The following R3HDM1 variants were observed in gnomAD, a reference collection of about 807,000 sequenced individuals.
R3HDM1 encodes R3H domain containing 1.
R3HDM1 carries 46 observed loss-of-function variants against 141.1 expected under a neutral mutation model. That is an observed-to-expected ratio of 0.33 (90% CI 0.26 to 0.42). The LOEUF (loss-of-function observed/expected upper bound fraction) is 0.42, where lower values mean the gene tolerates loss of function less well. R3HDM1 is among the 10% of genes least tolerant of loss of function. The probability of loss-of-function intolerance (pLI) is 1.00; values close to 1 mark genes in which losing one functional copy is unlikely to be tolerated. For synonymous variants in R3HDM1, 435 were observed against 472.9 expected (o/e 0.92, Z 1.04); for missense variants, 1,184 against 1,368.3 (o/e 0.87, Z 2.12).
rs570470565 is a variant in R3HDM1, at chr2:135,561,567, A to T, written c.-250+29934A>T. On this transcript the variant is annotated intron_variant, in intron 1 of 26. Coordinates refer to ENST00000683871, the MANE Select transcript of R3HDM1 (RefSeq NM_001378107.1). ...ACCCGTCTCCACTAAAAATATAAAA[A>T]ATTAGCTGGTTGTGGTTGCATGTGC... Among the ~76,000 whole-genome samples the T allele has an allele frequency of 3.9e-5, 6 of 152,182 alleles. No individual in the cohort carries two copies. The East Asian group carries it at 1.2e-3, about 29-fold the overall frequency.
chr2:135,619,658 A>C, intron 5 of R3HDM1: 1 of 788,352 alleles, frequency 1.3e-6, no homozygotes, highest in Non-Finnish European at 1.5e-6. Flanking sequence ...CTGAGTGGAA[A>C]TTGGAAAATA....
chr2:135,618,502 G>T (rs2061267932), intron 5 of R3HDM1, among the ~76,000 whole-genome samples: 1 of 144,736 alleles, frequency 6.9e-6, no homozygotes, highest in Non-Finnish European at 1.5e-5. Context: ...CTACATAGGA[G>T]ATAGCTGTAT....
In R3HDM1 at chr2:135,669,011, G is replaced by A. The variant is rs117443690; in HGVS notation, c.2153-6321G>A. On this transcript the variant is annotated intron_variant, in intron 19 of 26. Transcript: ENST00000683871. ...AACCTGAAATAGTGTCACTATTTGA[G>A]CCAGTTCTTCTCCTTCCCAATTGTC... 311 of 499,970 alleles carry A rather than the reference G, an allele frequency of 6.2e-4. 1 individual carries two copies. The East Asian group carries it at 0.027, about 44-fold the overall frequency. 31.0% of individuals were successfully genotyped at this position (499,970 alleles called of 1,614,324 possible). A position where few individuals can be genotyped will look rare whatever the true frequency, so the allele number is the denominator to read the frequency against.
In R3HDM1 at chr2:135,708,958, C is replaced by CA. The variant is rs374959932; in HGVS notation, c.2460-455dup. ...TGGGTGACAGGGCAGAACTCTGTCT[C>CA]AAAAAAAAAAAAAAAAAAAACTAAC... On this transcript the variant is annotated intron_variant, in intron 21 of 26. Coordinates refer to ENST00000683871, the MANE Select transcript of R3HDM1 (RefSeq NM_001378107.1). Among the ~76,000 whole-genome samples the CA allele has an allele frequency of 9.6e-3, 986 of 102,880 alleles. 35 individuals carry two copies. Among genetic ancestry groups the CA allele is most frequent in the Middle Eastern group, 0.088 (18 of 204 alleles). 67.5% of individuals were successfully genotyped at this position (102,880 alleles called of 152,430 possible). A position where few individuals can be genotyped will look rare whatever the true frequency, so the allele number is the denominator to read the frequency against.
chr2:135,556,453 T>C (rs1399558150), intron 1 of R3HDM1, among the ~76,000 whole-genome samples: 1 of 151,942 alleles, frequency 6.6e-6, no homozygotes, highest in Admixed American at 6.6e-5. Flanking sequence ...AAAAATCAAC[T>C]AGACCTGGTA....
chr2:135,555,630 T>TA (rs1241127877), intron 1 of R3HDM1, among the ~76,000 whole-genome samples: 1 of 152,218 alleles, frequency 6.6e-6, no homozygotes, highest in Non-Finnish European at 1.5e-5. Flanking sequence ...ATAGCAGCAC[T>TA]ATTTATCGTA....
At chr2:135,629,902 G>A (rs2062462302) in intron 7 of R3HDM1, among the ~76,000 whole-genome samples, 1 of 152,112 alleles carries the variant, frequency 6.6e-6, no homozygotes, top group Non-Finnish European at 1.5e-5. Flanking sequence ...GAAGATCAGG[G>A]AAGATACAGG....
At chr2:135,702,422 A>G (rs1268880491) in intron 21 of R3HDM1, among the ~76,000 whole-genome samples, 2 of 152,014 alleles carry the variant, frequency 1.3e-5, no homozygotes, top group African/African-American at 4.8e-5. Context: ...GCACTTTGGA[A>G]GGCCAAGGCT....
At chr2:135,620,987 C>T (rs973788355) in intron 5 of R3HDM1, among the ~76,000 whole-genome samples, 1 of 151,768 alleles carries the variant, frequency 6.6e-6, no homozygotes, top group Non-Finnish European at 1.5e-5. Flanking sequence ...AGCTGTGTGC[C>T]GTTGATTTTG....
intron 18 of R3HDM1, among the ~76,000 whole-genome samples, chr2:135,655,117 A>G (rs902588235): frequency 1.1e-4 from 16 of 152,130 alleles, no homozygotes; most frequent in African/African-American, 3.1e-4. Context: ...GTCATATCTA[A>G]GAATTGGTTG....
intron 1 of R3HDM1, among the ~76,000 whole-genome samples, chr2:135,595,220 GAT>G (rs1023081077): frequency 6.6e-6 from 1 of 152,116 alleles, no homozygotes; most frequent in African/African-American, 2.4e-5. Context: ...TTTCCTCCCA[GAT>G]ATATTTCCTA....
intron 3 of R3HDM1, among the ~76,000 whole-genome samples, chr2:135,610,059 A>T (rs1048845945): frequency 1.6e-4 from 24 of 152,226 alleles, no homozygotes; most frequent in East Asian, 1.2e-3. Flanking sequence ...AAAAAAATTT[A>T]AAAAACTTAG....
At chr2:135,706,010 T>G (rs2074858461) in intron 21 of R3HDM1, among the ~76,000 whole-genome samples, 1 of 151,378 alleles carries the variant, frequency 6.6e-6, no homozygotes, top group Non-Finnish European at 1.5e-5. Context: ...GCACCTGTAG[T>G]CCCAGCTACT....
intron 1 of R3HDM1, among the ~76,000 whole-genome samples, chr2:135,554,377 C>T (rs1700344549): frequency 6.6e-6 from 1 of 152,094 alleles, no homozygotes. Flanking sequence ...GAATAATATG[C>T]GTTTGAATGG....
At chr2:135,598,999 G>C (rs569372609) in intron 1 of R3HDM1, among the ~76,000 whole-genome samples, 2 of 151,882 alleles carry the variant, frequency 1.3e-5, no homozygotes, top group East Asian at 3.9e-4. Context: ...ACCTTTAATG[G>C]CTTCTAGATT....
chr2:135,711,963 T>TAAAAAA (rs35616482), intron 23 of R3HDM1, among the ~76,000 whole-genome samples: 32 of 85,066 alleles, frequency 3.8e-4, no homozygotes, highest in African/African-American at 1.1e-3. Flanking sequence ...TGTCTAAAAT[T>TAAAAAA]AAAAAAAAAA....
At chr2:135,593,797 T>C (rs181049078) in intron 1 of R3HDM1, among the ~76,000 whole-genome samples, 15 of 152,334 alleles carry the variant, frequency 9.8e-5, no homozygotes, top group African/African-American at 3.6e-4. Flanking sequence ...CTCGGCTCAC[T>C]GCAGTCTCCA....
intron 11 of R3HDM1, among the ~76,000 whole-genome samples, chr2:135,636,539 C>G (rs2063269780): frequency 6.6e-6 from 1 of 152,078 alleles, no homozygotes; most frequent in African/African-American, 2.4e-5. Context: ...ATCATATACT[C>G]TAGATGCTAC....
chr2:135,704,027 C>A (rs989879576), intron 21 of R3HDM1, among the ~76,000 whole-genome samples: 1 of 152,186 alleles, frequency 6.6e-6, no homozygotes, highest in African/African-American at 2.4e-5. Flanking sequence ...GTTGCCCAGG[C>A]TGGAGTGCAG....
Sources: allele counts gnomAD v4.1 joint callset (sites outside exome capture counted in the v4.1 genomes callset), GRCh38; gene constraint gnomAD v4.1.1; transcripts MANE v1.5; gene names NCBI Gene and HGNC (gene_info 2026-07-23, HGNC 2026-07-21).